NAALADL2: variants seen among roughly 807,000 people sequenced by gnomAD.
The protein encoded by NAALADL2 is N-acetylated alpha-linked acidic dipeptidase like 2.
NAALADL2 carries 76 observed loss-of-function variants against 87.2 expected under a neutral mutation model. The observed-to-expected ratio is 0.87, with a 90% CI of 0.72 to 1.05. The LOEUF is 1.05. NAALADL2 is among the 50% of genes least tolerant of loss of function. The pLI is 0.00. For synonymous variants in NAALADL2, 354 were observed against 331.0 expected, an observed-to-expected ratio of 1.07 and a Z score of -0.75; for missense variants, 1,089 against 945.8, an observed-to-expected ratio of 1.15 and a Z score of -1.99.
At chr3:175,342,035 G>C (rs190313003) in intron 5 of NAALADL2, among the ~76,000 whole-genome samples, 1 of 152,190 alleles carries the variant, frequency 6.6e-6, no homozygotes, top group African/African-American at 2.4e-5. Flanking sequence ...CTATATGTCT[G>C]TCCTTATACC....
intron 1 of NAALADL2, among the ~76,000 whole-genome samples, chr3:174,987,501 G>A (rs1172210616): frequency 7.5e-6 from 1 of 133,796 alleles, no homozygotes; most frequent in Non-Finnish European, 1.5e-5. Flanking sequence ...CCCGGGAGGC[G>A]GAGCTTGCAG....
At chr3:175,796,121 G>C (rs1297999600) in intron 13 of NAALADL2, among the ~76,000 whole-genome samples, 1 of 148,768 alleles carries the variant, frequency 6.7e-6, no homozygotes, top group East Asian at 2.0e-4. Context: ...CAGGGTGGGT[G>C]GGGGGTTGGG....
intron 10 of NAALADL2, among the ~76,000 whole-genome samples, chr3:175,585,338 G>T (rs185757536): frequency 6.6e-6 from 1 of 152,136 alleles, no homozygotes; most frequent in Non-Finnish European, 1.5e-5. Flanking sequence ...TATGCAGGAC[G>T]TGACTGGATT....
Position 174,773,486 on chromosome 3 carries a change from G to A in NAALADL2, c.-9+35740G>A, listed in dbSNP as rs935757069. Among the ~76,000 whole-genome samples, 6 of 152,090 alleles carry A rather than the reference G, an allele frequency of 3.9e-5. No individual in the cohort carries two copies. The East Asian group carries it at 1.2e-3, about 29-fold the overall frequency. Reference sequence around the variant, plus strand: ...TCTCCATCCCTTTAACTGAGAATAAGGTATACTCCATGCTAGTGATGAGAC... The same window carrying A: ...TCTCCATCCCTTTAACTGAGAATAAAGTATACTCCATGCTAGTGATGAGAC... On this transcript the variant is annotated intron_variant, in intron 3 of 3. Transcript: ENST00000434257.
chr3:175,523,131 A>G (rs183708550), intron 9 of NAALADL2, among the ~76,000 whole-genome samples: 79 of 152,326 alleles, frequency 5.2e-4, no homozygotes, highest in Middle Eastern at 3.4e-3. Flanking sequence ...AGTAGTGAAA[A>G]TTAATTCTCT....
chr3:175,142,974 A>T (rs1179336261), intron 2 of NAALADL2, among the ~76,000 whole-genome samples: 1 of 151,946 alleles, frequency 6.6e-6, no homozygotes, highest in Non-Finnish European at 1.5e-5. Flanking sequence ...TAAAATATAT[A>T]TTTAAATTGG....
At chr3:175,799,793 GT>G (rs1409498923) in intron 13 of NAALADL2, among the ~76,000 whole-genome samples, 3 of 152,060 alleles carry the variant, frequency 2.0e-5, no homozygotes, top group Non-Finnish European at 4.4e-5. Context: ...AAAAATACAT[GT>G]ATACATATGT....
chr3:175,257,495 T>C (rs1286014412), intron 4 of NAALADL2, among the ~76,000 whole-genome samples: 1 of 152,004 alleles, frequency 6.6e-6, no homozygotes, highest in Admixed American at 6.6e-5. Flanking sequence ...AAATTTTTGC[T>C]GGATAATTTT....
intron 5 of NAALADL2, among the ~76,000 whole-genome samples, chr3:175,349,585 G>C (rs1304417131): frequency 1.3e-5 from 2 of 151,902 alleles, no homozygotes; most frequent in African/African-American, 2.4e-5. Flanking sequence ...TTTTTTTTAA[G>C]AAAACAGACC....
chr3:175,799,352 AT>A (rs1486750697), intron 13 of NAALADL2, among the ~76,000 whole-genome samples: 1 of 152,100 alleles, frequency 6.6e-6, no homozygotes. Flanking sequence ...TAATTAAAAT[AT>A]TTTTAATCCA....
At chr3:174,954,447 A>G (rs1484884004) in intron 1 of NAALADL2, among the ~76,000 whole-genome samples, 1 of 152,118 alleles carries the variant, frequency 6.6e-6, no homozygotes, top group Non-Finnish European at 1.5e-5. Context: ...ACTTAGATAC[A>G]TTTAGATAAT....
At chr3:175,384,014 C>T (rs186026393) in intron 5 of NAALADL2, among the ~76,000 whole-genome samples, 128 of 152,138 alleles carry the variant, frequency 8.4e-4, no homozygotes, top group Non-Finnish European at 1.3e-3. Context: ...AGGATGCTTA[C>T]TTCTTGCCTC....
intron 1 of NAALADL2, among the ~76,000 whole-genome samples, chr3:175,069,764 A>G (rs531982245): frequency 4.3e-4 from 66 of 152,016 alleles, no homozygotes; most frequent in African/African-American, 1.5e-3. Context: ...AACCAACGCA[A>G]ATGTCCAACA....
At chr3:175,541,879 C>T (rs1262678243) in intron 9 of NAALADL2, among the ~76,000 whole-genome samples, 2 of 152,134 alleles carry the variant, frequency 1.3e-5, no homozygotes, top group East Asian at 3.9e-4. Context: ...TGACACCACG[C>T]CCAGCTAATT....
At chr3:174,984,528 A>G (rs1292296738) in intron 1 of NAALADL2, among the ~76,000 whole-genome samples, 1 of 152,174 alleles carries the variant, frequency 6.6e-6, no homozygotes, top group Non-Finnish European at 1.5e-5. Flanking sequence ...AACCCAATGG[A>G]TCAGAAACTC....
At chr3:175,235,931 T>G (rs1023217207) in intron 3 of NAALADL2, 2 of 152,212 alleles carry the variant, frequency 1.3e-5, no homozygotes, top group Non-Finnish European at 1.5e-5. Context: ...TTAAATCAAC[T>G]AATTTATTTA....
At chr3:174,448,957 G>T (rs1235704873) in intron 1 of NAALADL2, among the ~76,000 whole-genome samples, 2 of 152,152 alleles carry the variant, frequency 1.3e-5, no homozygotes, top group African/African-American at 4.8e-5. Flanking sequence ...TTAAGACGGG[G>T]TGGATCAATA....
chr3:175,788,585 A>G (rs1036067373), intron 13 of NAALADL2, among the ~76,000 whole-genome samples: 5 of 152,152 alleles, frequency 3.3e-5, no homozygotes, highest in African/African-American at 1.2e-4. Flanking sequence ...TACACCGTCT[A>G]TGTTTGGGTA....
chr3:175,233,022 G>A (rs903976703), intron 2 of NAALADL2, among the ~76,000 whole-genome samples: 8 of 152,084 alleles, frequency 5.3e-5, no homozygotes, highest in South Asian at 2.1e-4. Flanking sequence ...AGCAAAAATC[G>A]TGTCATTGGA....
Sources: allele counts gnomAD v4.1 joint callset (sites outside exome capture counted in the v4.1 genomes callset), GRCh38; gene constraint gnomAD v4.1.1; transcripts MANE v1.5; gene names NCBI Gene and HGNC (gene_info 2026-07-23, HGNC 2026-07-21).